LRP8: variants seen among roughly 807,000 people sequenced by gnomAD.
The protein encoded by LRP8 is LDL receptor related protein 8, also known as low-density lipoprotein receptor-related protein 8.
A neutral mutation model predicts 111.6 loss-of-function variants in LRP8; 46 were observed. The ratio of observed to expected loss-of-function variants is 0.41; its 90% CI spans 0.33 to 0.53. The LOEUF is 0.53. Among genes scored for constraint, LRP8 ranks in the 20% least tolerant of loss-of-function variants. LRP8 has a pLI of 0.20. For missense variants in LRP8, 959 were observed against 1,297.4 expected (o/e 0.74, Z 4.01); for synonymous variants, 464 against 511.2 (o/e 0.91, Z 1.24).
chr1:53,287,338 A>G (rs1027416939), intron 3 of LRP8, among the ~76,000 whole-genome samples: 3 of 152,226 alleles, frequency 2.0e-5, no homozygotes, highest in African/African-American at 4.8e-5. Context: ...CGACCAATGT[A>G]ACACAGGAAG....
At chr1:53,306,814 A>AT (rs1466902249) in intron 2 of LRP8, among the ~76,000 whole-genome samples, 8 of 152,150 alleles carry the variant, frequency 5.3e-5, no homozygotes, top group Non-Finnish European at 7.4e-5. Context: ...CTCTGATCGT[A>AT]TTGTGATGCC....
At chr1:53,301,972 CTG>C (rs568219357) in intron 2 of LRP8, among the ~76,000 whole-genome samples, 2 of 152,238 alleles carry the variant, frequency 1.3e-5, no homozygotes, top group East Asian at 3.9e-4. Context: ...TCTCCCCTCT[CTG>C]GACCCCAGTG....
At chr1:53,309,938 A>C (rs895913153) in intron 2 of LRP8, among the ~76,000 whole-genome samples, 5 of 151,778 alleles carry the variant, frequency 3.3e-5, no homozygotes, top group Admixed American at 3.3e-4. Flanking sequence ...GCCCAGCCCC[A>C]CCCACCTACC....
At chr1:53,326,656 C>G (rs989046988) in intron 2 of LRP8, among the ~76,000 whole-genome samples, 4 of 152,216 alleles carry the variant, frequency 2.6e-5, no homozygotes, top group Non-Finnish European at 5.9e-5. Context: ...CGCCCCGGCC[C>G]CACCAGGACA....
chr1:53,295,753 C>T (rs970763388), intron 2 of LRP8, among the ~76,000 whole-genome samples: 11 of 152,192 alleles, frequency 7.2e-5, no homozygotes, highest in South Asian at 2.1e-4. Context: ...ATCTGATTGA[C>T]GGTTTCCTCC....
rs1199300222 is a variant in LRP8 at position 53,264,317 on chromosome 1, C to T, written c.1507G>A (p.Ala503Thr). 2 of 1,613,990 alleles carry T rather than the reference C, an allele frequency of 1.2e-6. No homozygotes were observed. The highest frequency in any genetic ancestry group is 2.7e-5 in the African/African-American group (2 of 74,916). The change falls in exon 10 of 19, where the codon GCA becomes ACA. Residue 503 changes from alanine to threonine, a missense_variant. This residue lies in a region of LRP8 where 819 missense variants were observed against 1,097.6 expected (regional missense o/e 0.75). Transcript: ENST00000306052. Reference sequence around the variant, plus strand: ...ATGTGCTTGTGGACCCAGTCCACTGCCAGGCCCTCTGGAGAGTGCAACTGC... The same window carrying T: ...ATGTGCTTGTGGACCCAGTCCACTGTCAGGCCCTCTGGAGAGTGCAACTGC... ...DEQLHSPEGL[A>T]VDWVHKHIYW...
intron 2 of LRP8, 52 bp from the exon 3 acceptor site, chr1:53,289,741 G>A (rs576152469): frequency 6.2e-7 from 1 of 1,605,016 alleles, no homozygotes; most frequent in Non-Finnish European, 8.5e-7. Context: ...CAGGAGGGTG[G>A]TGGGCCGACC....
rs1457402965 is a variant in LRP8, at chr1:53,246,411, C to T, written c.*607G>A. On this transcript the variant is annotated 3_prime_UTR_variant, in exon 19 of 19. Transcript: ENST00000306052. ...TGTCACACACATACACATATAAACA[C>T]ACACATACACACACAGAGTCTGTGT... 1 of 152,228 alleles carries T rather than the reference C, an allele frequency of 6.6e-6. No homozygotes were observed. Among genetic ancestry groups the T allele is most frequent in the Non-Finnish European group, 1.5e-5 (1 of 68,082 alleles). 9.4% of individuals were successfully genotyped at this position (152,228 alleles called of 1,614,324 possible). A position where few individuals can be genotyped will look rare whatever the true frequency, so the allele number is the denominator to read the frequency against.
chr1:53,277,124 C>G, intron 4 of LRP8, 46 bp from the exon 5 acceptor site: 1 of 1,411,420 alleles, frequency 7.1e-7, no homozygotes, highest in African/African-American at 1.5e-5. Context: ...CCCTCCCCGG[C>G]CGACCTGGGG....
At position 53,246,876 on chromosome 1, in the gene LRP8, A is replaced by G; in HGVS notation, c.*142T>C. The G allele has an allele frequency of 1.5e-6, 1 of 684,862 alleles. No individual in the cohort carries two copies. The allele number at this position is 684,862 out of a possible 1,614,324, so 42.4% of individuals were successfully genotyped here. A position where few individuals can be genotyped will look rare whatever the true frequency, so the allele number is the denominator to read the frequency against. ...ATAACTTTGTGGTTACCTTTCCGCA[A>G]CATAAATTTAAAAAAAAAATCACAC... On this transcript the variant is annotated 3_prime_UTR_variant, in exon 19 of 19. Transcript: ENST00000306052.
At chr1:53,296,660 A>G (rs975681850) in intron 2 of LRP8, among the ~76,000 whole-genome samples, 1 of 152,222 alleles carries the variant, frequency 6.6e-6, no homozygotes, top group Non-Finnish European at 1.5e-5. Flanking sequence ...GGAAGCTACT[A>G]TTAAACTGTC....
intron 2 of LRP8, among the ~76,000 whole-genome samples, chr1:53,324,250 A>G (rs868660659): frequency 2.0e-5 from 3 of 152,150 alleles, no homozygotes; most frequent in African/African-American, 7.2e-5. Flanking sequence ...CTGCAGGGAG[A>G]ACAGTTCAAA....
intron 6 of LRP8, among the ~76,000 whole-genome samples, chr1:53,273,955 TG>T (rs2100413748): frequency 7.4e-6 from 1 of 135,684 alleles, no homozygotes; most frequent in South Asian, 2.3e-4. Context: ...AGCCCTAACC[TG>T]GGAACAGTAA....
intron 2 of LRP8, among the ~76,000 whole-genome samples, chr1:53,313,347 T>C (rs1462936501): frequency 1.3e-5 from 2 of 151,928 alleles, no homozygotes; most frequent in African/African-American, 2.4e-5. Context: ...CACCCAGTCA[T>C]GTGCGGCAAG....
At chr1:53,305,863 G>A (rs1055479817) in intron 2 of LRP8, 6 of 152,382 alleles carry the variant, frequency 3.9e-5, no homozygotes, top group Non-Finnish European at 8.8e-5. Flanking sequence ...AGGCGCTGAG[G>A]AGGAAGCTGG....
At chr1:53,313,798 G>A (rs753959476) in intron 2 of LRP8, among the ~76,000 whole-genome samples, 15 of 152,210 alleles carry the variant, frequency 9.9e-5, no homozygotes, top group Non-Finnish European at 1.6e-4. Flanking sequence ...TGTCAGTTAA[G>A]AAGACTTGGT....
rs2100393575 is a variant in LRP8, at chr1:53,266,812, A to G, written c.1253-165T>C. 1 of 610,828 alleles carries G rather than the reference A, an allele frequency of 1.6e-6. No homozygotes were observed. Among genetic ancestry groups the G allele is most frequent in the East Asian group, 2.7e-5 (1 of 36,520 alleles). The allele number at this position is 610,828 out of a possible 1,614,324, so 37.8% of individuals were successfully genotyped here. A position where few individuals can be genotyped will look rare whatever the true frequency, so the allele number is the denominator to read the frequency against. On this transcript the variant is annotated intron_variant, in intron 8 of 18. Coordinates refer to ENST00000306052, the MANE Select transcript of LRP8 (RefSeq NM_004631.5). This position sits in a 1 kb window ranked among gnomAD's most constrained non-coding sequence, Gnocchi z 5.0. ...CAGGAGCAGATGAAATAATGAGTAC[A>G]GAAAGCAGAAGATGCAGAGCACCAC...
intron 6 of LRP8, among the ~76,000 whole-genome samples, chr1:53,274,308 C>T (rs978998062): frequency 6.6e-6 from 1 of 152,262 alleles, no homozygotes; most frequent in African/African-American, 2.4e-5. Flanking sequence ...GCCCACTTCT[C>T]CCTCTGCTGG....
chr1:53,278,755 C>CT (rs139298983), intron 4 of LRP8, among the ~76,000 whole-genome samples: 21,961 of 135,440 alleles, frequency 0.16, 2,181 homozygotes, highest in African/African-American at 0.29. Context: ...ATGGGAAGTG[C>CT]TTTTTTTTTT....
Sources: gnomAD v4.1 joint callset for allele counts (sites outside exome capture counted in the v4.1 genomes callset) on GRCh38, gnomAD v4.1.1 for gene constraint, gnomAD v4.1.1 regional missense constraint, Gnocchi (gnomAD v3.1) non-coding constraint, MANE v1.5 for transcripts, NCBI Gene and HGNC (gene_info 2026-07-23, HGNC 2026-07-21) for gene names.